Variants in PLS1 observed in about 807,000 individuals in gnomAD.
PLS1 encodes plastin 1, also known as plastin-1.
PLS1 carries 32 observed loss-of-function variants against 73.7 expected under a neutral mutation model. The observed-to-expected ratio is 0.43, with a 90% confidence interval of 0.33 to 0.58. The LOEUF (loss-of-function observed/expected upper bound fraction) is 0.58. Ranked by LOEUF, PLS1 falls within the 20% of genes least tolerant of loss-of-function variation. The pLI is 0.04. For missense variants in PLS1, 633 were observed against 740.5 expected, an observed-to-expected ratio of 0.85 and a Z score of 1.68; for synonymous variants, 217 against 261.3, an observed-to-expected ratio of 0.83 and a Z score of 1.63.
chr3:142,604,859 C>T (rs111376500), intron 1 of PLS1, among the ~76,000 whole-genome samples: 14 of 151,010 alleles, frequency 9.3e-5, no homozygotes, highest in Admixed American at 2.6e-4. Flanking sequence ...GGCGTGAACC[C>T]GGGAGGCAGA....
chr3:142,711,834 A>C (rs1481132842), intron 15 of PLS1, 38 bp from the exon 16 acceptor site: 1 of 1,596,466 alleles, frequency 6.3e-7, no homozygotes. Context: ...GTGAAAACAC[A>C]GTGGATAACA....
intron 1 of PLS1, chr3:142,656,587 G>A (rs2037242618): frequency 6.6e-6 from 1 of 152,214 alleles, no homozygotes; most frequent in Non-Finnish European, 1.5e-5. Context: ...ACAGCTCCCT[G>A]TTGTGAAATG....
chr3:142,710,967 A>G (rs1001710178), intron 14 of PLS1, among the ~76,000 whole-genome samples: 4 of 152,162 alleles, frequency 2.6e-5, no homozygotes, highest in Non-Finnish European at 4.4e-5. Flanking sequence ...TCTTAACTTT[A>G]TATTCTTCAT....
rs951049663 is a variant in PLS1 at position 142,704,384 on chromosome 3, T to C, written c.1506-79T>C. The C allele has an allele frequency of 1.2e-5, 13 of 1,088,274 alleles. No individual in the cohort carries two copies. In the Admixed American group the frequency reaches 3.2e-4, roughly 27 times the overall value. 67.4% of individuals were successfully genotyped at this position (1,088,274 alleles called of 1,614,324 possible). A position where few individuals can be genotyped will look rare whatever the true frequency, so the allele number is the denominator to read the frequency against. ...TAGAACTGAACTATTTCTTAAGTAT[T>C]TATCTAAACATTGATATAAATTATG... On this transcript the variant is annotated intron_variant, in intron 13 of 15. Transcript: ENST00000457734.
intron 1 of PLS1, among the ~76,000 whole-genome samples, chr3:142,650,211 C>T (rs200680379): frequency 1.4e-4 from 10 of 70,908 alleles, no homozygotes; most frequent in South Asian, 1.2e-3. Flanking sequence ...GCTTCTTCTT[C>T]TTTTTTTTTT....
intron 5 of PLS1, among the ~76,000 whole-genome samples, chr3:142,677,560 C>T (rs553578083): frequency 6.6e-6 from 1 of 152,200 alleles, no homozygotes; most frequent in East Asian, 1.9e-4. Context: ...AGGAGTATCA[C>T]TTGAACCCAG....
chr3:142,669,015 G>A (rs935709904), intron 2 of PLS1, among the ~76,000 whole-genome samples: 1 of 151,974 alleles, frequency 6.6e-6, no homozygotes, highest in African/African-American at 2.4e-5. Context: ...GGATAAACTC[G>A]ATTTAAATAT....
At chr3:142,683,201 G>GC (rs2037891174) in intron 6 of PLS1, among the ~76,000 whole-genome samples, 1 of 152,222 alleles carries the variant, frequency 6.6e-6, no homozygotes, top group African/African-American at 2.4e-5. Flanking sequence ...GTAATGCATG[G>GC]CGATTAAGAG....
intron 14 of PLS1, among the ~76,000 whole-genome samples, chr3:142,705,046 A>G (rs944287170): frequency 5.3e-5 from 8 of 152,086 alleles, no homozygotes; most frequent in African/African-American, 1.9e-4. Flanking sequence ...GAGTTTAGGC[A>G]TACTAATTAT....
rs199916606 is a variant in PLS1, at chr3:142,684,289, A to G, written c.782A>G (p.Glu261Gly). The G allele has an allele frequency of 6.2e-7, 1 of 1,614,156 alleles. No individual in the cohort carries two copies. The highest frequency in any genetic ancestry group is 1.3e-5 in the African/African-American group (1 of 75,058). Residue 261 changes from glutamate to glycine, a missense_variant, in exon 8 of 16, where the codon GAG becomes GGG. By Grantham distance (98) the Glu-to-Gly change is moderately conservative (BLOSUM62 -2). Transcript: ENST00000457734. ...IALLNEGEEL[E>G]ELMKLSPEEL... ...TTGTTAAATGAAGGTGAGGAACTAG[A>G]GGAGCTGATGAAGCTTTCTCCCGAG...
intron 10 of PLS1, among the ~76,000 whole-genome samples, chr3:142,690,570 T>C (rs1206992108): frequency 2.6e-5 from 4 of 152,222 alleles, no homozygotes; most frequent in African/African-American, 4.8e-5. Context: ...GATATTGTAG[T>C]TGTAAACACA....
chr3:142,659,944 C>G (rs1171910179), intron 1 of PLS1, among the ~76,000 whole-genome samples: 1 of 152,194 alleles, frequency 6.6e-6, no homozygotes, highest in Middle Eastern at 3.4e-3. Context: ...TTGCCTAATC[C>G]TCAAGTATAC....
At chr3:142,641,177 A>AT (rs1206957151) in intron 1 of PLS1, among the ~76,000 whole-genome samples, 4 of 132,212 alleles carry the variant, frequency 3.0e-5, no homozygotes, top group East Asian at 2.1e-4. Context: ...TATATATATT[A>AT]TATATATATA....
At chr3:142,670,256 T>A (rs545656393) in intron 3 of PLS1, among the ~76,000 whole-genome samples, 2 of 152,260 alleles carry the variant, frequency 1.3e-5, no homozygotes, top group Admixed American at 1.3e-4. Context: ...CATGACAGCA[T>A]GTGTAGAGTC....
At chr3:142,660,794 G>A (rs776105338) in intron 1 of PLS1, among the ~76,000 whole-genome samples, 1 of 152,198 alleles carries the variant, frequency 6.6e-6, no homozygotes, top group African/African-American at 2.4e-5. Flanking sequence ...AGGAAACAAC[G>A]TTGTATGGGT....
intron 1 of PLS1, among the ~76,000 whole-genome samples, chr3:142,599,522 G>A (rs1315606361): frequency 2.0e-5 from 3 of 151,450 alleles, no homozygotes; most frequent in Non-Finnish European, 4.4e-5. Flanking sequence ...GTAGAGACGG[G>A]GTTTCACCTT....
intron 6 of PLS1, among the ~76,000 whole-genome samples, chr3:142,683,125 T>C (rs2037889455): frequency 6.6e-6 from 1 of 152,262 alleles, no homozygotes; most frequent in Non-Finnish European, 1.5e-5. Context: ...AGAACCTCTA[T>C]GCTTTGCTGC....
At chr3:142,615,610 C>T (rs2036200966) in intron 1 of PLS1, among the ~76,000 whole-genome samples, 1 of 152,058 alleles carries the variant, frequency 6.6e-6, no homozygotes, top group South Asian at 2.1e-4. Flanking sequence ...GTCCAAATGG[C>T]CTTCCTAATA....
chr3:142,646,711 T>C (rs952513446), intron 1 of PLS1, among the ~76,000 whole-genome samples: 42 of 152,356 alleles, frequency 2.8e-4, no homozygotes, highest in African/African-American at 8.9e-4. Context: ...CTGGCGCCTG[T>C]TCTTTGGGAG....
Sources: gnomAD v4.1 joint callset for allele counts (sites outside exome capture counted in the v4.1 genomes callset) on GRCh38, gnomAD v4.1.1 for gene constraint, MANE v1.5 for transcripts, NCBI Gene and HGNC (gene_info 2026-07-23, HGNC 2026-07-21) for gene names.